GPM6B: variants seen among roughly 807,000 people sequenced by gnomAD.
GPM6B encodes neuronal membrane glycoprotein M6-b.
A neutral mutation model predicts 27.2 loss-of-function variants in GPM6B; 4 were observed. That is an observed-to-expected ratio of 0.15 (90% confidence interval 0.07 to 0.34). The LOEUF (loss-of-function observed/expected upper bound fraction) is 0.34, where lower values mean the gene tolerates loss of function less well. GPM6B is among the 10% of genes least tolerant of loss of function. The pLI is 1.00. For synonymous variants in GPM6B, 124 were observed against 103.1 expected, an observed-to-expected ratio of 1.20 and a Z score of -1.23; for missense variants, 183 against 261.9, an observed-to-expected ratio of 0.70 and a Z score of 2.08.
chrX:13,791,696 A>T (rs1190097682), intron 2 of GPM6B, among the ~76,000 whole-genome samples: 1 of 111,853 alleles, frequency 8.9e-6, no homozygotes, highest in Non-Finnish European at 1.9e-5. Context: ...TTTTGTGCAG[A>T]ACAACAGAAT....
chrX:13,802,297 C>T (rs974411945), intron 2 of GPM6B, among the ~76,000 whole-genome samples: 3 of 102,571 alleles, frequency 2.9e-5, no homozygotes, highest in Non-Finnish European at 4.0e-5. Flanking sequence ...GACAGAAAGC[C>T]CGAGATCAAC....
intron 1 of GPM6B, among the ~76,000 whole-genome samples, chrX:13,840,615 C>G (rs1032695161): frequency 8.9e-6 from 1 of 111,851 alleles, no homozygotes; most frequent in African/African-American, 3.3e-5. Context: ...GCGAATCTTC[C>G]TTTGTTGTGG....
At chrX:13,898,077 G>A (rs1431933067) in intron 1 of GPM6B, among the ~76,000 whole-genome samples, 1 of 111,707 alleles carries the variant, frequency 9.0e-6, no homozygotes, top group African/African-American at 3.3e-5. Flanking sequence ...TCTTGCCAAG[G>A]AGAGAGGGTA....
At chrX:13,872,127 G>A (rs1191016405) in intron 1 of GPM6B, among the ~76,000 whole-genome samples, 1 of 105,972 alleles carries the variant, frequency 9.4e-6, no homozygotes, top group Non-Finnish European at 1.9e-5. Context: ...TAGCAGAATA[G>A]GAGTGCTGGG....
At chrX:13,821,415 C>A (rs769666276), upstream of GPM6B, among the ~76,000 whole-genome samples, 1 of 111,916 alleles carries the variant, frequency 8.9e-6, no homozygotes, top group South Asian at 3.7e-4. Context: ...GTCTGGGATT[C>A]AAATCATTGA....
At chrX:13,774,630 G>A in intron 7 of GPM6B, 2 of 1,189,313 alleles carry the variant, frequency 1.7e-6, no homozygotes, top group Non-Finnish European at 2.3e-6. Flanking sequence ...ATCAGCTGGT[G>A]GAAGAGAACA....
chrX:13,865,581 A>AAAG (rs2049905817), intron 1 of GPM6B, among the ~76,000 whole-genome samples: 1 of 91,203 alleles, frequency 1.1e-5, no homozygotes, highest in African/African-American at 4.3e-5. Flanking sequence ...GAAAGAAAAG[A>AAAG]AAAGAAAAAA....
At chrX:13,931,348 CATG>C (rs1921528406) in intron 1 of GPM6B, among the ~76,000 whole-genome samples, 2 of 109,392 alleles carry the variant, frequency 1.8e-5, no homozygotes, top group African/African-American at 6.7e-5. Flanking sequence ...ATTAGCCGGG[CATG>C]GTGGTGGGCG....
intron 1 of GPM6B, among the ~76,000 whole-genome samples, chrX:13,890,684 T>C (rs1321048937): frequency 9.0e-6 from 1 of 110,807 alleles, no homozygotes; most frequent in South Asian, 3.9e-4. Flanking sequence ...GGATGTTTAG[T>C]AGCACCCCTG....
intron 1 of GPM6B, among the ~76,000 whole-genome samples, chrX:13,898,633 G>A (rs773311736): frequency 1.1e-3 from 125 of 112,855 alleles, no homozygotes; most frequent in African/African-American, 3.0e-3. Context: ...GATTTGGAGC[G>A]AAAGGTGCCA....
chrX:13,819,370 T>C (rs899651350), upstream of GPM6B, among the ~76,000 whole-genome samples: 7 of 112,203 alleles, frequency 6.2e-5, no homozygotes, highest in African/African-American at 2.3e-4. Context: ...ATTTCTGAGA[T>C]ATGCATCCAT....
intron 1 of GPM6B, among the ~76,000 whole-genome samples, chrX:13,883,534 C>T (rs1359778724): frequency 3.1e-5 from 2 of 65,463 alleles, no homozygotes; most frequent in Non-Finnish European, 5.7e-5. Flanking sequence ...GTTGAAATAA[C>T]ATTTTGGAAA....
upstream of GPM6B, among the ~76,000 whole-genome samples, chrX:13,817,623 T>G (rs2049261357): frequency 8.9e-6 from 1 of 112,680 alleles, no homozygotes; most frequent in African/African-American, 3.2e-5. Flanking sequence ...CTCTATTTAC[T>G]TTCTTAAATA....
At chrX:13,878,122 GA>G (rs2050057637) in intron 1 of GPM6B, among the ~76,000 whole-genome samples, 1 of 103,494 alleles carries the variant, frequency 9.7e-6, no homozygotes, top group African/African-American at 3.6e-5. Flanking sequence ...GCAAGGTAGA[GA>G]ACAACAAATG....
At chrX:13,853,057 A>G (rs894397657) in intron 1 of GPM6B, among the ~76,000 whole-genome samples, 1 of 111,280 alleles carries the variant, frequency 9.0e-6, no homozygotes, top group Admixed American at 9.5e-5. Flanking sequence ...TCTGCTAGAA[A>G]CTGACAACAT....
chrX:13,876,950 G>A (rs1229680530), intron 1 of GPM6B, among the ~76,000 whole-genome samples: 1 of 111,198 alleles, frequency 9.0e-6, no homozygotes, highest in African/African-American at 3.3e-5. Context: ...CAGGGCTGTA[G>A]TTCATGCAAG....
At chrX:13,878,494 G>C (rs2050062766) in intron 1 of GPM6B, among the ~76,000 whole-genome samples, 1 of 111,846 alleles carries the variant, frequency 8.9e-6, no homozygotes, top group Non-Finnish European at 1.9e-5. Flanking sequence ...GGGCAGCTCT[G>C]TGCCAAATAA....
chrX:13,779,811 G>T lies in GPM6B; in HGVS notation c.697+7C>A. 1 of 1,153,767 alleles carries T rather than the reference G, an allele frequency of 8.7e-7. No homozygotes were observed. The highest frequency in any genetic ancestry group is 1.2e-6 in the Non-Finnish European group (1 of 855,539). On this transcript the variant is annotated splice_region_variant and intron_variant, in intron 5 of 7. Coordinates refer to ENST00000316715, the MANE Select transcript of GPM6B (RefSeq NM_001001995.3). ...AACTGGGGGAGGGGTGAATTAGAAG[G>T]AAGTACCGTATTGTCGGATATCCAC...
chrX:13,867,750 G>A (rs945589498), intron 1 of GPM6B, among the ~76,000 whole-genome samples: 3 of 111,720 alleles, frequency 2.7e-5, no homozygotes. Context: ...GGGAACAAAC[G>A]GTTGTATCCT....
Sources: gnomAD v4.1 joint callset for allele counts (sites outside exome capture counted in the v4.1 genomes callset) on GRCh38, gnomAD v4.1.1 for gene constraint, MANE v1.5 for transcripts, NCBI Gene and HGNC (gene_info 2026-07-23, HGNC 2026-07-21) for gene names.